PIEZO2: variants seen among roughly 807,000 people sequenced by gnomAD.
PIEZO2 encodes the protein piezo-type mechanosensitive ion channel component 2.
PIEZO2 carries 172 observed loss-of-function variants against 337.3 expected under a neutral mutation model. The ratio of observed to expected loss-of-function variants is 0.51; its 90% CI spans 0.45 to 0.58. PIEZO2 has a LOEUF of 0.58. Among genes scored for constraint, PIEZO2 ranks in the 20% least tolerant of loss-of-function variants. The pLI is 0.00. For synonymous variants in PIEZO2, 1,251 were observed against 1,228.5 expected (o/e 1.02, Z -0.38); for missense variants, 3,028 against 3,391.3 (o/e 0.89, Z 2.66).
chr18:11,093,931 T>G (rs1043608558), intron 1 of PIEZO2, among the ~76,000 whole-genome samples: 15 of 152,014 alleles, frequency 9.9e-5, no homozygotes, highest in African/African-American at 3.6e-4. Context: ...AAGTCTCGGA[T>G]AGCTAAAATT....
chr18:10,699,482 T>C (rs2035241749), intron 43 of PIEZO2, among the ~76,000 whole-genome samples: 1 of 152,188 alleles, frequency 6.6e-6, no homozygotes, highest in African/African-American at 2.4e-5. Context: ...TCTCTTTGCC[T>C]GCCACCATCC....
intron 35 of PIEZO2, 123 bp from the exon 36 acceptor site, chr18:10,731,644 T>G: frequency 2.3e-5 from 11 of 485,766 alleles, no homozygotes; most frequent in Non-Finnish European, 3.4e-5. Flanking sequence ...CATCCCGGGC[T>G]ATTTTTATTA....
chr18:11,122,974 TCA>T (rs2040071208), intron 1 of PIEZO2, among the ~76,000 whole-genome samples: 1 of 146,776 alleles, frequency 6.8e-6, no homozygotes, highest in African/African-American at 2.4e-5. Flanking sequence ...ATGTTATATA[TCA>T]ATGCATACAT....
At chr18:10,841,789 A>AT (rs1168636111) in intron 7 of PIEZO2, among the ~76,000 whole-genome samples, 2 of 152,204 alleles carry the variant, frequency 1.3e-5, no homozygotes, top group Admixed American at 1.3e-4. Flanking sequence ...ATAAAAGCTA[A>AT]TAGTATTGTA....
In PIEZO2 at chr18:10,755,217, C is replaced by T. The variant is rs575730995; in HGVS notation, c.3924-2338G>A. Among the ~76,000 whole-genome samples the T allele has an allele frequency of 5.9e-5, 9 of 152,210 alleles. No homozygotes were observed. In the East Asian group the frequency reaches 1.7e-3, roughly 29 times the overall value. ...ATGTAAACAGGAATCTCTGGAAGAT[C>T]GGAAGCTGGAGAGAGACTCCATGTG... On this transcript the variant is annotated intron_variant, in intron 27 of 55. Transcript: ENST00000674853.
intron 1 of PIEZO2, among the ~76,000 whole-genome samples, chr18:11,123,804 C>T (rs936882155): frequency 1.6e-4 from 22 of 136,444 alleles, no homozygotes; most frequent in Admixed American, 1.3e-3. Context: ...AGGGAGACTC[C>T]GTCTCAAAAA....
At chr18:11,082,323 CTTTTTT>C (rs148198844) in intron 1 of PIEZO2, among the ~76,000 whole-genome samples, 1 of 145,086 alleles carries the variant, frequency 6.9e-6, no homozygotes, top group South Asian at 2.2e-4. Flanking sequence ...TTTTCTTTTT[CTTTTTT>C]TTTTTTGAGA....
At chr18:10,839,554 GACC>G (rs150212021) in intron 7 of PIEZO2, among the ~76,000 whole-genome samples, 8,834 of 152,232 alleles carry the variant, frequency 0.058, 359 homozygotes, top group Non-Finnish European at 0.084. Context: ...TACTTTGCCA[GACC>G]ACTTCATGTG....
chr18:10,681,513 G>A, intron 51 of PIEZO2, 148 bp downstream of exon 51: 1 of 565,674 alleles, frequency 1.8e-6, no homozygotes, highest in Non-Finnish European at 3.2e-6. Flanking sequence ...AAAGTAGCCA[G>A]TGGCCAGGAA....
rs2036606494 is a variant in PIEZO2 at position 10,727,955 on chromosome 18, C to CAAAAAAAAAAAAGAAAAAAA, written c.5029+3451_5029+3452insTTTTTTTCTTTTTTTTTTTT. The CAAAAAAAAAAAAGAAAAAAA allele has an allele frequency of 9.4e-6, 1 of 106,720 alleles. No individual in the cohort carries two copies. 6.6% of individuals were successfully genotyped at this position (106,720 alleles called of 1,614,324 possible). A position where few individuals can be genotyped will look rare whatever the true frequency, so the allele number is the denominator to read the frequency against. On this transcript the variant is annotated intron_variant, in intron 36 of 55. Transcript: ENST00000674853. The surrounding 1 kb of genome is among the most constrained non-coding windows in gnomAD (Gnocchi z 6.3). ...AGCCAGACAATTAAAACAGTAATAA[C>CAAAAAAAAAAAAGAAAAAAA]AAAAAAAAAAAAGAAAAAAGAAAAA... is the stretch of plus-strand genomic sequence containing the variant.
intron 7 of PIEZO2, among the ~76,000 whole-genome samples, chr18:10,845,312 A>G (rs1179741598): frequency 1.3e-5 from 2 of 152,070 alleles, no homozygotes; most frequent in African/African-American, 4.8e-5. Context: ...AATTTTTTCC[A>G]GAGACAGGAT....
intron 1 of PIEZO2, among the ~76,000 whole-genome samples, chr18:11,085,855 A>G (rs1219270936): frequency 1.3e-5 from 2 of 151,872 alleles, no homozygotes; most frequent in Non-Finnish European, 2.9e-5. Context: ...AAAAAAAAAA[A>G]ACGGAGAGAG....
rs966106855 is a variant in PIEZO2, at chr18:11,031,151, G to A, written c.160+34976C>T. Among the ~76,000 whole-genome samples the A allele has an allele frequency of 6.7e-6, 1 of 149,638 alleles. No individual in the cohort carries two copies. Among genetic ancestry groups the A allele is most frequent in the African/African-American group, 2.5e-5 (1 of 39,840 alleles). On this transcript the variant is annotated intron_variant, in intron 2 of 55. Coordinates refer to ENST00000674853, the MANE Select transcript of PIEZO2 (RefSeq NM_001378183.1). This position sits in a 1 kb window ranked among gnomAD's most constrained non-coding sequence, Gnocchi z 4.7. ...ACTACAGGCGCCTGCCACCATGCCTGGCTAATTTTTTTGTATTTTTTTTTT... is the reference window on the plus strand; with the variant it reads ...ACTACAGGCGCCTGCCACCATGCCTAGCTAATTTTTTTGTATTTTTTTTTT...
rs369450446 is a variant in PIEZO2, at chr18:10,693,650, G to A, written c.7191-2267C>T. Among the ~76,000 whole-genome samples, 16 of 151,712 alleles carry A rather than the reference G, an allele frequency of 1.1e-4. 1 individual carries two copies. In the South Asian group the frequency reaches 3.1e-3, roughly 30 times the overall value. ...CATAGTGCTGGGATTACAGGCATGA[G>A]CCACCATGCCCAACCCAATCCGGAT... On this transcript the variant is annotated intron_variant, in intron 47 of 55. Transcript: ENST00000674853.
chr18:11,093,650 A>C (rs181611182), intron 1 of PIEZO2, among the ~76,000 whole-genome samples: 2,231 of 141,018 alleles, frequency 0.016, 52 homozygotes, highest in African/African-American at 0.054. Context: ...GCAGTGGCGC[A>C]ATCTCGGCTC....
In PIEZO2 at chr18:11,149,557, C is replaced by T. The variant is rs935570598; in HGVS notation, c.-969G>A. 2.0e-5 allele frequency among the ~76,000 whole-genome samples: 3 copies of T among 152,004 alleles called. No homozygotes were observed. Among genetic ancestry groups the T allele is most frequent in the Non-Finnish European group, 4.4e-5 (3 of 67,962 alleles). On this transcript the variant is annotated 5_prime_UTR_variant, in exon 1 of 56. Coordinates refer to ENST00000674853, the MANE Select transcript of PIEZO2 (RefSeq NM_001378183.1). This position sits in a 1 kb window ranked among gnomAD's most constrained non-coding sequence, Gnocchi z 8.7. Reference sequence around the variant, plus strand: ...CGGGGCTCCCCGGCGGCGCGCGCTTCTCCACCTTCAATGAAACTTTCGAAG... The same window carrying T: ...CGGGGCTCCCCGGCGGCGCGCGCTTTTCCACCTTCAATGAAACTTTCGAAG...
intron 4 of PIEZO2, among the ~76,000 whole-genome samples, chr18:10,910,669 G>A (rs554337632): frequency 6.6e-6 from 1 of 152,280 alleles, no homozygotes; most frequent in Admixed American, 6.5e-5. Flanking sequence ...ATTTTCTGAT[G>A]TTTTAATGAG....
intron 1 of PIEZO2, among the ~76,000 whole-genome samples, chr18:11,074,354 G>A (rs1317694255): frequency 2.0e-5 from 3 of 152,100 alleles, no homozygotes; most frequent in Non-Finnish European, 4.4e-5. Context: ...CAAAAATGCA[G>A]GTCAATGTGT....
chr18:10,946,348 T>C (rs2033021600), intron 3 of PIEZO2, among the ~76,000 whole-genome samples: 1 of 152,068 alleles, frequency 6.6e-6, no homozygotes, highest in African/African-American at 2.4e-5. Flanking sequence ...ACAAAATATA[T>C]GTCAATTTGT....
Sources: gnomAD v4.1 joint callset for allele counts (sites outside exome capture counted in the v4.1 genomes callset) on GRCh38, gnomAD v4.1.1 for gene constraint, Gnocchi (gnomAD v3.1) non-coding constraint, MANE v1.5 for transcripts, NCBI Gene and HGNC (gene_info 2026-07-23, HGNC 2026-07-21) for gene names.